The following SUGP1 variants were observed in gnomAD, a reference collection of about 807,000 sequenced individuals.
SUGP1 encodes SURP and G-patch domain-containing protein 1.
A neutral mutation model predicts 76.5 loss-of-function variants in SUGP1; 34 were observed. The observed-to-expected ratio is 0.44, with a 90% CI of 0.34 to 0.59. The LOEUF (loss-of-function observed/expected upper bound fraction) is 0.59, where lower values mean the gene tolerates loss of function less well. SUGP1 is among the 20% of genes least tolerant of loss of function. The pLI is 0.01. For missense variants in SUGP1, 752 were observed against 851.7 expected, an observed-to-expected ratio of 0.88 and a Z score of 1.46; for synonymous variants, 326 against 326.2, an observed-to-expected ratio of 1.00 and a Z score of 0.01.
chr19:19,301,099 G>A (rs1433740373), intron 7 of SUGP1, among the ~76,000 whole-genome samples: 1 of 152,160 alleles, frequency 6.6e-6, no homozygotes, highest in Non-Finnish European at 1.5e-5. Flanking sequence ...GACTTGGAGT[G>A]GACTAGTGAT....
At chr19:19,278,633 G>C in intron 11 of SUGP1, 57 bp downstream of exon 11, 1 of 1,491,696 alleles carries the variant, frequency 6.7e-7, no homozygotes, top group Non-Finnish European at 9.2e-7. Context: ...GGGTGAGGCA[G>C]CTACAGGAGG....
chr19:19,318,308 T>C lies in SUGP1; in HGVS notation c.35-1715A>G, dbSNP rs922233470. Among the ~76,000 whole-genome samples, 6 of 151,558 alleles carry C rather than the reference T, an allele frequency of 4.0e-5. No individual in the cohort carries two copies. The South Asian group carries it at 1.3e-3, about 32-fold the overall frequency. The stretch of plus-strand genomic sequence containing the variant: ...AATTTTTTCATATTTTTAGTAGAGA[T>C]GGGGCTTCACCATGTTGGCCAGGCT... On this transcript the variant is annotated intron_variant, in intron 1 of 13. Transcript: ENST00000247001.
At chr19:19,297,465 CAT>C (rs911407646) in intron 7 of SUGP1, 121 bp from the exon 8 acceptor site, 6 of 587,544 alleles carry the variant, frequency 1.0e-5, no homozygotes, top group African/African-American at 9.8e-5. Flanking sequence ...ATGGTCATGT[CAT>C]AGTCACGGTC....
intron 2 of SUGP1, 90 bp downstream of exon 2, chr19:19,316,332 C>T (rs1026517584): frequency 6.6e-7 from 1 of 1,504,128 alleles, no homozygotes; most frequent in Non-Finnish European, 9.0e-7. Flanking sequence ...GGTGCAAGCA[C>T]ATGCTGACTG....
intron 8 of SUGP1, among the ~76,000 whole-genome samples, chr19:19,288,575 T>G (rs1459000902): frequency 6.6e-6 from 1 of 151,956 alleles, no homozygotes; most frequent in African/African-American, 2.4e-5. Flanking sequence ...GGCAATGTGG[T>G]GAAACCCTGT....
At position 19,276,976 on chromosome 19, in the gene SUGP1, G is replaced by A; in HGVS notation, c.1882C>T (p.Leu628=). The part of the protein sequence containing the change: ...EYEAFRKRMM[L]AYRFRPNPLN... ...GGGTTGGGCCGGAAGCGGTAGGCCA[G>A]CATCATCCTCTTGCGGAACGCCTCA... Residue 628 remains leucine, a synonymous_variant, in exon 13 of 14, where the codon CTG becomes TTG. Coordinates refer to ENST00000247001, the MANE Select transcript of SUGP1 (RefSeq NM_172231.4). 2 of 1,613,120 alleles carry A rather than the reference G, an allele frequency of 1.2e-6. No homozygotes were observed. Among genetic ancestry groups the A allele is most frequent in the Non-Finnish European group, 1.7e-6 (2 of 1,180,034 alleles).
Position 19,303,843 on chromosome 19 carries a change from T to C in SUGP1, c.543A>G (p.Ser181=). 1 of 1,613,528 alleles carries C rather than the reference T, an allele frequency of 6.2e-7. No homozygotes were observed. Among genetic ancestry groups the C allele is most frequent in the East Asian group, 2.2e-5 (1 of 44,860 alleles). Residue 181 remains serine (S), a synonymous_variant, in exon 5 of 14, where the codon TCA becomes TCG. Transcript: ENST00000247001. The part of the protein sequence containing the change: ...DYEQWLEIKV[S]PPEGAETRKV... ...TCCGAGTCTCGGCTCCCTCTGGGGG[T>C]GAAACTTTAAGGAGGCTGTCAGTAC...
chr19:19,292,862 A>C (rs1451059711), intron 8 of SUGP1, among the ~76,000 whole-genome samples: 1 of 152,020 alleles, frequency 6.6e-6, no homozygotes. Context: ...AATACACCAA[A>C]TTAATAGAAT....
In SUGP1 at chr19:19,316,548, T is replaced by C. The variant is rs2061395356; in HGVS notation, c.80A>G (p.Lys27Arg). Residue 27 changes from lysine (K) to arginine (R), a missense_variant, in exon 2 of 14, where the codon AAA (lysine) becomes AGA (arginine). Around this residue, in one of 2 missense-constraint regions of SUGP1, gnomAD observed 620 missense variants for 617.3 expected, o/e 1.00. Coordinates refer to ENST00000247001, the MANE Select transcript of SUGP1 (RefSeq NM_172231.4). The stretch of plus-strand genomic sequence containing the variant: ...CTGGTGAAGGATGTTCATGTTCATT[T>C]TTCCAGATTTAGGGGGAGCAACCCC... ...WFGVAPPKSGKMNMNILHQEE... is the reference protein window; with the variant it reads ...WFGVAPPKSGRMNMNILHQEE... The C allele has an allele frequency of 3.7e-6, 6 of 1,614,028 alleles. No individual in the cohort carries two copies. In the East Asian group the frequency reaches 1.3e-4, roughly 36 times the overall value.
At chr19:19,278,633 G>A in intron 11 of SUGP1, 57 bp downstream of exon 11, 1 of 1,491,696 alleles carries the variant, frequency 6.7e-7, no homozygotes, top group Non-Finnish European at 9.2e-7. Context: ...GGGTGAGGCA[G>A]CTACAGGAGG....
rs549790732 is a variant in SUGP1 at position 19,305,774 on chromosome 19, G to T, written c.538+75C>A. On this transcript the variant is annotated intron_variant, in intron 4 of 13. Coordinates refer to ENST00000247001, the MANE Select transcript of SUGP1 (RefSeq NM_172231.4). ...AGCACCCATGCCCCTGGCAGCACTT[G>T]CCCTGCCCACCACAGATCCCACCTG... 268 of 1,459,052 alleles carry T rather than the reference G, an allele frequency of 1.8e-4. No homozygotes were observed. The African/African-American group carries it at 3.4e-3, about 18-fold the overall frequency. The allele number at this position is 1,459,052 out of a possible 1,614,324, so 90.4% of individuals were successfully genotyped here.
Position 19,280,260 on chromosome 19 carries a change from C to T in SUGP1, c.1275G>A (p.Lys425=), listed in dbSNP as rs762209215. Residue 425 remains lysine, a synonymous_variant, in exon 9 of 14, where the codon AAG becomes AAA. Coordinates refer to ENST00000247001, the MANE Select transcript of SUGP1 (RefSeq NM_172231.4). ...VQDLKGLGYE[K]GKPVGLVGVT... is the part of the protein sequence containing the mutation. ...CGCCCACTAGACCCACAGGCTTCCC[C>T]TTCTCATAGCCGAGCCCCTTGAGGT... is the stretch of plus-strand genomic sequence containing the variant. 2 of 1,614,024 alleles carry T rather than the reference C, an allele frequency of 1.2e-6. No homozygotes were observed. Among genetic ancestry groups the T allele is most frequent in the East Asian group, 4.5e-5 (2 of 44,894 alleles).
chr19:19,305,184 C>T (rs2061306880), intron 4 of SUGP1, among the ~76,000 whole-genome samples: 1 of 152,226 alleles, frequency 6.6e-6, no homozygotes, highest in South Asian at 2.1e-4. Context: ...CACAACTCCA[C>T]AGTCGCTTCA....
intron 1 of SUGP1, among the ~76,000 whole-genome samples, chr19:19,317,248 A>G (rs1016634550): frequency 2.0e-5 from 3 of 152,206 alleles, no homozygotes; most frequent in African/African-American, 7.2e-5. Context: ...GCAGAAAATA[A>G]ACACTAGAAG....
intron 10 of SUGP1, 33 bp from the exon 11 acceptor site, chr19:19,278,829 A>G: frequency 6.3e-7 from 1 of 1,593,794 alleles, no homozygotes; most frequent in Non-Finnish European, 8.6e-7. Context: ...GAGAAGAGGG[A>G]GAAGCAGGAA....
At chr19:19,308,892 G>A (rs1482195393) in intron 3 of SUGP1, among the ~76,000 whole-genome samples, 1 of 151,188 alleles carries the variant, frequency 6.6e-6, no homozygotes, top group African/African-American at 2.4e-5. Context: ...TTGAGACGAA[G>A]TCTCGCTCTT....
rs75707544 is a variant in SUGP1, at chr19:19,317,224, T to C, written c.35-631A>G. Among the ~76,000 whole-genome samples, 1,317 of 151,352 alleles carry C rather than the reference T, an allele frequency of 8.7e-3. 59 individuals are homozygous for C. The South Asian group carries it at 0.11, about 12-fold the overall frequency. On this transcript the variant is annotated intron_variant, in intron 1 of 13. Transcript: ENST00000247001. ...TGAAAAAGTAACAGGAGAGTACATA[T>C]GCAGGTAGGACAGGCAGAAAATAAA...
intron 11 of SUGP1, 41 bp downstream of exon 11, chr19:19,278,649 G>C: frequency 6.5e-7 from 1 of 1,550,294 alleles, no homozygotes; most frequent in Non-Finnish European, 8.8e-7. Flanking sequence ...GGAGGGGCTG[G>C]CATGTGGCAG....
chr19:19,286,165 C>T lies in SUGP1; in HGVS notation c.1244-5874G>A, dbSNP rs150211038. On this transcript the variant is annotated intron_variant, in intron 8 of 13. Transcript: ENST00000247001. Reference sequence around the variant, plus strand: ...AAATCAGGAAGTACCTTGCTAGTGACTGCTTGTTAAAGTTCTTTTGATATT... The same window carrying T: ...AAATCAGGAAGTACCTTGCTAGTGATTGCTTGTTAAAGTTCTTTTGATATT... Among the ~76,000 whole-genome samples, 509 of 152,296 alleles carry T rather than the reference C, an allele frequency of 3.3e-3. 3 individuals carry two copies. The highest frequency in any genetic ancestry group is 0.011 in the African/African-American group (468 of 41,570).
Sources: gnomAD v4.1 joint callset for allele counts (sites outside exome capture counted in the v4.1 genomes callset) on GRCh38, gnomAD v4.1.1 for gene constraint, gnomAD v4.1.1 regional missense constraint, MANE v1.5 for transcripts, NCBI Gene and HGNC (gene_info 2026-07-23, HGNC 2026-07-21) for gene names.